PRKG1: variants seen among roughly 807,000 people sequenced by gnomAD.
PRKG1 encodes the protein protein kinase cGMP-dependent 1.
PRKG1 carries 35 observed loss-of-function variants against 88.1 expected under a neutral mutation model. The ratio of observed to expected loss-of-function variants is 0.40; its 90% CI spans 0.30 to 0.53. PRKG1 has a LOEUF of 0.53. Ranked by LOEUF, PRKG1 falls within the 20% of genes least tolerant of loss-of-function variation. The pLI, the probability that PRKG1 is intolerant of heterozygous loss-of-function variation, is 0.59. For missense variants in PRKG1, 540 were observed against 839.8 expected (o/e 0.64, Z 4.41); for synonymous variants, 303 against 292.5 (o/e 1.04, Z -0.37).
chr10:52,085,119 A>T (rs1475517197), intron 7 of PRKG1, among the ~76,000 whole-genome samples: 1 of 152,050 alleles, frequency 6.6e-6, no homozygotes, highest in Non-Finnish European at 1.5e-5. Context: ...ATTAATTTAG[A>T]TCTTTCAGCT....
At chr10:52,283,827 T>G (rs1014056621) in intron 14 of PRKG1, among the ~76,000 whole-genome samples, 2 of 152,052 alleles carry the variant, frequency 1.3e-5, no homozygotes, top group African/African-American at 4.8e-5. Flanking sequence ...CTTTCTAGTG[T>G]GCTTAGAATT....
At position 50,997,480 on chromosome 10, in the gene PRKG1, G is replaced by GACTTCCTGACTTCCTCTT. The variant is rs1382301940; in HGVS notation, c.266+5836_266+5837insACTTCCTGACTTCCTCTT. 2.0e-5 allele frequency among the ~76,000 whole-genome samples: 3 copies of GACTTCCTGACTTCCTCTT among 152,186 alleles called. No individual in the cohort carries two copies. In the South Asian group the frequency reaches 6.2e-4, roughly 32 times the overall value. Reference sequence around the variant, plus strand: ...ATCTTTTTCCTCTTTCCTGACTACGGTCCTGTTTCCTAGTGCCCTCTCACC... The same window carrying GACTTCCTGACTTCCTCTT: ...ATCTTTTTCCTCTTTCCTGACTACGGACTTCCTGACTTCCTCTTTCCTGTTTCCTAGTGCCCTCTCACC... On this transcript the variant is annotated intron_variant, in intron 1 of 17. Coordinates refer to the PRKG1 transcript ENST00000401604.
At chr10:52,096,742 C>T (rs1331746818) in intron 7 of PRKG1, among the ~76,000 whole-genome samples, 1 of 152,048 alleles carries the variant, frequency 6.6e-6, no homozygotes, top group African/African-American at 2.4e-5. Context: ...TAATATAATA[C>T]ACATATAATT....
At chr10:51,049,477 T>G (rs773712186) in intron 1 of PRKG1, among the ~76,000 whole-genome samples, 33 of 152,342 alleles carry the variant, frequency 2.2e-4, no homozygotes, top group Middle Eastern at 3.4e-3. Context: ...TCACTCTTTT[T>G]CATTCCCCTG....
At position 51,642,832 on chromosome 10, in the gene PRKG1, C is replaced by A. The variant is rs550642550; in HGVS notation, c.593-161753C>A. ...GAACTTATTGATTGAACAAACTGAACGCTGTCTGGAAACGCTGGATTTCTG... is the reference window on the plus strand; with the variant it reads ...GAACTTATTGATTGAACAAACTGAAAGCTGTCTGGAAACGCTGGATTTCTG... On this transcript the variant is annotated intron_variant, in intron 3 of 17. Transcript: ENST00000373980. Among the ~76,000 whole-genome samples, 3 of 152,256 alleles carry A rather than the reference C, an allele frequency of 2.0e-5. No individual in the cohort carries two copies. The South Asian group carries it at 6.2e-4, about 32-fold the overall frequency.
chr10:51,961,555 G>T (rs947181843), intron 5 of PRKG1, among the ~76,000 whole-genome samples: 2 of 152,124 alleles, frequency 1.3e-5, no homozygotes, highest in African/African-American at 4.8e-5. Context: ...CACCCAGAAA[G>T]GTACACAGTA....
intron 3 of PRKG1, among the ~76,000 whole-genome samples, chr10:51,683,841 C>T (rs1460713980): frequency 6.6e-6 from 1 of 152,178 alleles, no homozygotes; most frequent in Admixed American, 6.5e-5. Flanking sequence ...AACTGAAAAA[C>T]TCACAACTTT....
intron 8 of PRKG1, among the ~76,000 whole-genome samples, chr10:52,141,893 A>T (rs1837591200): frequency 6.6e-6 from 1 of 152,160 alleles, no homozygotes; most frequent in Admixed American, 6.6e-5. Flanking sequence ...TTTGTGGGCC[A>T]AACAGTCTGT....
At chr10:51,055,631 C>T (rs923866572) in intron 1 of PRKG1, among the ~76,000 whole-genome samples, 6 of 151,480 alleles carry the variant, frequency 4.0e-5, no homozygotes, top group East Asian at 3.9e-4. Flanking sequence ...CCCAGCTACT[C>T]GGGAGGCTGA....
chr10:51,233,832 G>A (rs181692913), intron 2 of PRKG1, among the ~76,000 whole-genome samples: 5 of 151,916 alleles, frequency 3.3e-5, no homozygotes, highest in South Asian at 2.1e-4. Flanking sequence ...CACAATAAGC[G>A]GTATCTTTTA....
intron 2 of PRKG1, among the ~76,000 whole-genome samples, chr10:51,374,893 A>G (rs1842786656): frequency 6.6e-6 from 1 of 152,132 alleles, no homozygotes; most frequent in Non-Finnish European, 1.5e-5. Flanking sequence ...CAGCTCTTTC[A>G]TGGCTGTAGG....
At chr10:51,701,982 T>C (rs1204607811) in intron 3 of PRKG1, among the ~76,000 whole-genome samples, 1 of 152,200 alleles carries the variant, frequency 6.6e-6, no homozygotes, top group East Asian at 1.9e-4. Flanking sequence ...TTAAGAATCA[T>C]TGGTCCTAGG....
At chr10:51,314,833 A>G (rs1841279384) in intron 2 of PRKG1, among the ~76,000 whole-genome samples, 1 of 152,184 alleles carries the variant, frequency 6.6e-6, no homozygotes, top group African/African-American at 2.4e-5. Flanking sequence ...GGAAAAGGCC[A>G]TTTAAGTTTA....
At chr10:51,453,348 G>A (rs1839492986) in intron 2 of PRKG1, among the ~76,000 whole-genome samples, 1 of 151,806 alleles carries the variant, frequency 6.6e-6, no homozygotes, top group Non-Finnish European at 1.5e-5. Context: ...CTTTGATTCT[G>A]CTGGATTTGG....
intron 7 of PRKG1, among the ~76,000 whole-genome samples, chr10:52,109,769 A>ATAAGAAATAAAAAAAGATGAAACC (rs1564472632): frequency 1.1e-4 from 17 of 152,010 alleles, no homozygotes; most frequent in African/African-American, 3.9e-4. Context: ...TCTCAAAAAA[A>ATAAGAAATAAAAAAAGATGAAACC]AATCTTATCT....
chr10:51,269,234 G>A (rs1839915371), intron 2 of PRKG1, among the ~76,000 whole-genome samples: 1 of 152,120 alleles, frequency 6.6e-6, no homozygotes, highest in Non-Finnish European at 1.5e-5. Context: ...TTAAATGTTG[G>A]CATGGATGTG....
intron 1 of PRKG1, among the ~76,000 whole-genome samples, chr10:51,034,993 G>A (rs1221671013): frequency 2.6e-5 from 4 of 151,858 alleles, no homozygotes; most frequent in South Asian, 2.1e-4. Flanking sequence ...TGTAACATGA[G>A]CTCTTTGTGA....
At chr10:51,888,341 G>T (rs1244178726) in intron 4 of PRKG1, among the ~76,000 whole-genome samples, 2 of 152,148 alleles carry the variant, frequency 1.3e-5, no homozygotes, top group Non-Finnish European at 2.9e-5. Context: ...TAAGAACAAG[G>T]TTATTTTAGT....
chr10:51,142,387 G>A (rs1845840072), intron 1 of PRKG1, among the ~76,000 whole-genome samples: 1 of 152,022 alleles, frequency 6.6e-6, no homozygotes, highest in African/African-American at 2.4e-5. Flanking sequence ...GATAACTATT[G>A]CAGTGGATTT....
Sources: allele counts gnomAD v4.1 joint callset (sites outside exome capture counted in the v4.1 genomes callset), GRCh38; gene constraint gnomAD v4.1.1; transcripts MANE v1.5; gene names NCBI Gene and HGNC (gene_info 2026-07-23, HGNC 2026-07-21).